Variants in ZNF454 observed in about 807,000 individuals in gnomAD.
ZNF454 encodes the protein zinc finger protein 454.
In ZNF454, 30 loss-of-function variants were observed where a neutral mutation model predicts 48.2. The observed-to-expected ratio is 0.62, with a 90% CI of 0.47 to 0.84. The LOEUF is 0.84. ZNF454 is among the 40% of genes least tolerant of loss of function. The pLI, the probability that ZNF454 is intolerant of heterozygous loss-of-function variation, is 0.00. For synonymous variants in ZNF454, 204 were observed against 211.4 expected (o/e 0.97, Z 0.30); for missense variants, 510 against 623.1 (o/e 0.82, Z 1.93).
the ZNF454 span, chr5:178,981,876 C>T: frequency 6.8e-7 from 1 of 1,473,366 alleles, no homozygotes; most frequent in African/African-American, 1.4e-5. The surrounding 1 kb of genome is among the most constrained non-coding windows in gnomAD (Gnocchi z 5.1). Context: ...AAGAGGGGAC[C>T]AGATGGGACT....
the ZNF454 span, among the ~76,000 whole-genome samples, chr5:178,972,639 G>A: frequency 2.8e-4 from 42 of 152,160 alleles, no homozygotes; most frequent in Non-Finnish European, 5.1e-4. Flanking sequence ...TCCCACGCAG[G>A]CAAACCACAG....
chr5:178,961,660 CA>C (rs1000142881), intron 4 of ZNF454, among the ~76,000 whole-genome samples: 7 of 146,586 alleles, frequency 4.8e-5, no homozygotes, highest in South Asian at 2.2e-4. Flanking sequence ...TAGTAAAACA[CA>C]AAAAAAAAAT....
chr5:178,959,894 CGT>C (rs1561705303), intron 4 of ZNF454, among the ~76,000 whole-genome samples: 2 of 150,726 alleles, frequency 1.3e-5, no homozygotes, highest in East Asian at 2.1e-4. Context: ...CATGAGCCAC[CGT>C]GCCCGGCCCC....
chr5:178,987,028 G>C, the ZNF454 span: 3 of 1,599,628 alleles, frequency 1.9e-6, no homozygotes, highest in Non-Finnish European at 8.5e-7. Context: ...CAGCCCAGCA[G>C]AGCTGGCCTC....
the ZNF454 span, among the ~76,000 whole-genome samples, chr5:178,975,040 C>T: frequency 2.0e-5 from 3 of 152,132 alleles, no homozygotes; most frequent in African/African-American, 2.4e-5. Context: ...GGGGGCAGTG[C>T]GTCATACCTG....
At chr5:178,942,902 C>T (rs1056155708) in intron 2 of ZNF454, 78 bp downstream of exon 2, 2 of 1,525,228 alleles carry the variant, frequency 1.3e-6, no homozygotes, top group Non-Finnish European at 1.8e-6. Flanking sequence ...AGACCGGGAG[C>T]TTTATTCCCA....
chr5:178,983,090 G>A, the ZNF454 span: 14 of 1,614,152 alleles, frequency 8.7e-6, no homozygotes, highest in South Asian at 1.1e-5. Context: ...CCAGGCAGCC[G>A]ATGAGAGACA....
At chr5:178,987,921 A>ACCTG in the ZNF454 span, among the ~76,000 whole-genome samples, 2 of 143,862 alleles carry the variant, frequency 1.4e-5, no homozygotes, top group African/African-American at 5.1e-5. Flanking sequence ...CGCCATGCCC[A>ACCTG]GCTAATTTTT....
intron 2 of ZNF454, among the ~76,000 whole-genome samples, chr5:178,945,712 G>A (rs1759304219): frequency 6.6e-6 from 1 of 151,154 alleles, no homozygotes; most frequent in Admixed American, 6.6e-5. Context: ...TGTGGGTATG[G>A]GTGTGTGTGT....
chr5:178,953,682 T>C (rs1446829041), intron 4 of ZNF454, among the ~76,000 whole-genome samples: 2 of 152,244 alleles, frequency 1.3e-5, no homozygotes, highest in African/African-American at 2.4e-5. Flanking sequence ...TGACACTTTA[T>C]GGATCATTCA....
chr5:178,950,938 C>T (rs1366122757), intron 4 of ZNF454, among the ~76,000 whole-genome samples: 1 of 151,384 alleles, frequency 6.6e-6, no homozygotes, highest in East Asian at 2.0e-4. Flanking sequence ...CGGCTCACTA[C>T]AACCTCTGCC....
chr5:178,989,217 A>AAG, the ZNF454 span: 60 of 954,644 alleles, frequency 6.3e-5, no homozygotes, highest in Non-Finnish European at 8.3e-5. Flanking sequence ...CCCCACCCTC[A>AAG]CCACCCTCCC....
chr5:178,969,027 G>C (rs1179460116), downstream of ZNF454: 6 of 370,750 alleles, frequency 1.6e-5, no homozygotes, highest in Non-Finnish European at 3.2e-5. Context: ...ACTCATCCCT[G>C]TCTGGAAAGG....
At chr5:178,956,031 C>G (rs900424307) in intron 4 of ZNF454, among the ~76,000 whole-genome samples, 1 of 152,188 alleles carries the variant, frequency 6.6e-6, no homozygotes, top group Non-Finnish European at 1.5e-5. Context: ...CTCTCAGGAA[C>G]CACTGTCCTC....
At position 178,950,222 on chromosome 5, in the gene ZNF454, C is replaced by A. The variant is rs80150878; in HGVS notation, c.250+3236C>A. ...GAAAAAGTCCTTGGTAAATAGCTTT[C>A]CTTCTTAGTTTTTCTATTCTCTGTG... On this transcript the variant is annotated intron_variant, in intron 4 of 4. Coordinates refer to ENST00000519564, the MANE Select transcript of ZNF454 (RefSeq NM_001178089.3). 6.1e-3 allele frequency among the ~76,000 whole-genome samples: 936 copies of A among 152,230 alleles called. 10 individuals carry two copies. Among genetic ancestry groups the A allele is most frequent in the African/African-American group, 0.022 (896 of 41,544 alleles).
chr5:178,984,531 C>T, the ZNF454 span, among the ~76,000 whole-genome samples: 1 of 152,230 alleles, frequency 6.6e-6, no homozygotes, highest in African/African-American at 2.4e-5. Flanking sequence ...AAAGAGGGTA[C>T]AGTGTGGGGC....
chr5:178,983,239 G>A, the ZNF454 span: 2 of 1,601,380 alleles, frequency 1.2e-6, no homozygotes, highest in Non-Finnish European at 1.7e-6. Context: ...AGCCAACACT[G>A]CATCAGACAC....
the ZNF454 span, among the ~76,000 whole-genome samples, chr5:178,974,777 A>C: frequency 6.6e-6 from 1 of 152,200 alleles, no homozygotes; most frequent in Non-Finnish European, 1.5e-5. Flanking sequence ...GCTAGATATG[A>C]GTATCATACT....
chr5:178,989,797 C>A, the ZNF454 span: 1 of 339,354 alleles, frequency 2.9e-6, no homozygotes, highest in Non-Finnish European at 5.7e-6. Flanking sequence ...CATCTTGTGA[C>A]TATGAGACCA....
Sources: allele counts gnomAD v4.1 joint callset (sites outside exome capture counted in the v4.1 genomes callset), GRCh38; gene constraint gnomAD v4.1.1; non-coding constraint Gnocchi (gnomAD v3.1); transcripts MANE v1.5; gene names NCBI Gene and HGNC (gene_info 2026-07-23, HGNC 2026-07-21).